SH3GL2: variants seen among roughly 807,000 people sequenced by gnomAD.
SH3GL2 encodes the protein endophilin-A1.
Under a neutral mutation model 46.0 loss-of-function variants are expected in SH3GL2, and 24 were observed. The observed-to-expected ratio is 0.52, with a 90% CI of 0.38 to 0.73. The LOEUF (loss-of-function observed/expected upper bound fraction) is 0.73. SH3GL2 is among the 30% of genes least tolerant of loss of function. SH3GL2 has a pLI of 0.00. For synonymous variants in SH3GL2, 196 were observed against 147.1 expected, an observed-to-expected ratio of 1.33 and a Z score of -2.40; for missense variants, 413 against 424.2, an observed-to-expected ratio of 0.97 and a Z score of 0.23.
chr9:17,594,657 AAAAT>A (rs1439661846), intron 1 of SH3GL2, among the ~76,000 whole-genome samples: 1 of 151,768 alleles, frequency 6.6e-6, no homozygotes, highest in African/African-American at 2.4e-5. Flanking sequence ...AAAAATTAAA[AAAAT>A]AATTGTGTGT....
chr9:17,667,321 G>C (rs1563804199), intron 1 of SH3GL2, among the ~76,000 whole-genome samples: 1 of 151,980 alleles, frequency 6.6e-6, no homozygotes, highest in Non-Finnish European at 1.5e-5. Flanking sequence ...TCTAATTCTA[G>C]AGCATTTTCA....
At chr9:17,721,619 GAAA>G (rs1276039813) in intron 1 of SH3GL2, among the ~76,000 whole-genome samples, 4 of 151,642 alleles carry the variant, frequency 2.6e-5, no homozygotes, top group Non-Finnish European at 4.4e-5. Context: ...TCCACCTAAA[GAAA>G]AAAAGTATAT....
intron 2 of SH3GL2, among the ~76,000 whole-genome samples, chr9:17,751,235 T>C (rs1563839150): frequency 6.6e-6 from 1 of 152,104 alleles, no homozygotes; most frequent in African/African-American, 2.4e-5. Flanking sequence ...TGCCATTTCA[T>C]ATGAGAGTAA....
intron 1 of SH3GL2, among the ~76,000 whole-genome samples, chr9:17,710,464 C>T (rs753721479): frequency 5.3e-5 from 8 of 151,848 alleles, no homozygotes; most frequent in Non-Finnish European, 1.0e-4. Flanking sequence ...ATACTGTGGA[C>T]TGCAATTTAG....
At chr9:17,681,346 T>C (rs1820761504) in intron 1 of SH3GL2, among the ~76,000 whole-genome samples, 1 of 152,166 alleles carries the variant, frequency 6.6e-6, no homozygotes, top group Non-Finnish European at 1.5e-5. Context: ...TTTTTTGTTC[T>C]CTTTTTCTTT....
At chr9:17,729,250 C>T (rs1822105566) in intron 1 of SH3GL2, among the ~76,000 whole-genome samples, 2 of 152,098 alleles carry the variant, frequency 1.3e-5, no homozygotes, top group African/African-American at 2.4e-5. Context: ...TGTTTGTTGG[C>T]CGCATAAATG....
intron 2 of SH3GL2, 58 bp downstream of exon 2, chr9:17,747,192 G>A (rs1401146952): frequency 1.8e-6 from 2 of 1,099,698 alleles, no homozygotes; most frequent in African/African-American, 3.2e-5. Flanking sequence ...ACCATAATTA[G>A]AGGAGAAGAG....
chr9:17,660,583 T>G (rs1259239064), intron 1 of SH3GL2, among the ~76,000 whole-genome samples: 1 of 152,230 alleles, frequency 6.6e-6, no homozygotes, highest in Admixed American at 6.5e-5. Context: ...AGAGAAAGTT[T>G]AAATCCAAAT....
At chr9:17,581,160 G>T (rs565429934) in intron 1 of SH3GL2, among the ~76,000 whole-genome samples, 289 of 152,304 alleles carry the variant, frequency 1.9e-3, no homozygotes, top group African/African-American at 6.7e-3. Flanking sequence ...CTGTGAAGAA[G>T]TTACCCAAGC....
At chr9:17,595,820 C>T (rs1029843882) in intron 1 of SH3GL2, among the ~76,000 whole-genome samples, 28 of 152,152 alleles carry the variant, frequency 1.8e-4, no homozygotes, top group Admixed American at 5.2e-4. Flanking sequence ...AAAAATATAG[C>T]TATGATGGTA....
At chr9:17,667,886 G>C (rs190033479) in intron 1 of SH3GL2, among the ~76,000 whole-genome samples, 2 of 152,170 alleles carry the variant, frequency 1.3e-5, no homozygotes, top group Admixed American at 6.5e-5. Flanking sequence ...GATTTGATTT[G>C]TGTTTCTCTT....
rs1352641230 is a variant in SH3GL2 at position 17,791,128 on chromosome 9, G to A, written c.625-103G>A. 8 of 764,324 alleles carry A rather than the reference G, an allele frequency of 1.0e-5. No individual in the cohort carries two copies. The East Asian group carries it at 1.5e-4, about 14-fold the overall frequency. The allele number at this position is 764,324 out of a possible 1,614,324, so 47.3% of individuals were successfully genotyped here. ...ACAGTCATCAGCACCACCAACCAGG[G>A]GCTGTGTGTTGAGGGCAGCCCTGGT... On this transcript the variant is annotated intron_variant, in intron 6 of 8. Coordinates refer to ENST00000380607, the MANE Select transcript of SH3GL2 (RefSeq NM_003026.5).
chr9:17,702,281 T>G (rs1821358666), intron 1 of SH3GL2, among the ~76,000 whole-genome samples: 1 of 152,092 alleles, frequency 6.6e-6, no homozygotes, highest in African/African-American at 2.4e-5. Context: ...GATTTAAATG[T>G]TAATGAATGA....
intron 3 of SH3GL2, among the ~76,000 whole-genome samples, chr9:17,781,312 A>C (rs1394613644): frequency 8.8e-6 from 1 of 113,102 alleles, no homozygotes; most frequent in East Asian, 2.6e-4. Context: ...TCCTTCGCCC[A>C]CTTTTTGATG....
intron 1 of SH3GL2, among the ~76,000 whole-genome samples, chr9:17,717,246 T>C (rs1821785913): frequency 6.6e-6 from 1 of 152,142 alleles, no homozygotes; most frequent in Non-Finnish European, 1.5e-5. Context: ...TCTTTTATGC[T>C]GTCACATGTT....
intron 1 of SH3GL2, among the ~76,000 whole-genome samples, chr9:17,687,431 G>T (rs1268458571): frequency 2.1e-5 from 3 of 140,774 alleles, no homozygotes; most frequent in African/African-American, 8.1e-5. Context: ...ATGCTGAATG[G>T]TAACACTGAG....
intron 1 of SH3GL2, among the ~76,000 whole-genome samples, chr9:17,671,711 A>G (rs145961722): frequency 1.3e-5 from 2 of 152,312 alleles, no homozygotes; most frequent in East Asian, 1.9e-4. Context: ...CCTTTGCAGT[A>G]TTGTGCCTCT....
At chr9:17,749,641 T>G (rs1822789237) in intron 2 of SH3GL2, among the ~76,000 whole-genome samples, 1 of 152,232 alleles carries the variant, frequency 6.6e-6, no homozygotes, top group Non-Finnish European at 1.5e-5. Flanking sequence ...ACAAGCTAAC[T>G]TCCTGTTTCT....
intron 1 of SH3GL2, among the ~76,000 whole-genome samples, chr9:17,715,970 G>A (rs1036853247): frequency 7.2e-5 from 11 of 152,000 alleles, no homozygotes; most frequent in African/African-American, 2.7e-4. Flanking sequence ...GGTGTTCAAA[G>A]TATTATTTGT....
Sources: allele counts gnomAD v4.1 joint callset (sites outside exome capture counted in the v4.1 genomes callset), GRCh38; gene constraint gnomAD v4.1.1; transcripts MANE v1.5; gene names NCBI Gene and HGNC (gene_info 2026-07-23, HGNC 2026-07-21).